The following MARCHF8 variants were observed in gnomAD, a reference collection of about 807,000 sequenced individuals.
MARCHF8 encodes the protein E3 ubiquitin-protein ligase MARCHF8.
In MARCHF8, 40 loss-of-function variants were observed where a neutral mutation model predicts 51.6. That is an observed-to-expected ratio of 0.77 (90% CI 0.60 to 1.01). The LOEUF (loss-of-function observed/expected upper bound fraction) is 1.01, where lower values mean the gene tolerates loss of function less well. MARCHF8 is among the 50% of genes least tolerant of loss of function. The pLI is 0.00. For missense variants in MARCHF8, 685 were observed against 708.6 expected, an observed-to-expected ratio of 0.97 and a Z score of 0.38; for synonymous variants, 263 against 280.3, an observed-to-expected ratio of 0.94 and a Z score of 0.62.
At chr10:45,532,793 T>G (rs908951545) in intron 2 of MARCHF8, among the ~76,000 whole-genome samples, 3 of 152,192 alleles carry the variant, frequency 2.0e-5, no homozygotes, top group Non-Finnish European at 4.4e-5. Context: ...AATTTCACAC[T>G]ACGATGAATA....
chr10:45,531,750 G>C (rs1279771364), intron 2 of MARCHF8, among the ~76,000 whole-genome samples: 1 of 152,178 alleles, frequency 6.6e-6, no homozygotes, highest in East Asian at 1.9e-4. Context: ...CAAACAGGTG[G>C]ATTATTTGAG....
intron 2 of MARCHF8, among the ~76,000 whole-genome samples, chr10:45,511,708 T>C (rs1003737451): frequency 1.3e-5 from 2 of 152,224 alleles, no homozygotes; most frequent in African/African-American, 4.8e-5. Flanking sequence ...GTTCACTCAG[T>C]GCTCAATGGT....
intron 1 of MARCHF8, among the ~76,000 whole-genome samples, chr10:45,549,010 A>AAAG (rs2044163084): frequency 6.6e-6 from 1 of 150,758 alleles, no homozygotes; most frequent in Non-Finnish European, 1.5e-5. Flanking sequence ...AAAAAAAAAA[A>AAAG]GAAAGAAAAG....
chr10:45,565,579 A>T (rs1240453674), intron 1 of MARCHF8, among the ~76,000 whole-genome samples: 20 of 145,840 alleles, frequency 1.4e-4, no homozygotes, highest in East Asian at 2.0e-4. Context: ...GCAAAAAAAT[A>T]AAAAAAAAAA....
intron 2 of MARCHF8, among the ~76,000 whole-genome samples, chr10:45,530,109 G>A (rs1231446568): frequency 1.3e-5 from 2 of 152,158 alleles, no homozygotes; most frequent in Admixed American, 1.3e-4. Flanking sequence ...AAAAAAGAAT[G>A]AATTCATGTT....
chr10:45,516,758 T>C (rs1642960152), intron 2 of MARCHF8, among the ~76,000 whole-genome samples: 1 of 151,554 alleles, frequency 6.6e-6, no homozygotes, highest in Non-Finnish European at 1.5e-5. Context: ...AACAAGACTT[T>C]GTCTCAAAAA....
intron 2 of MARCHF8, among the ~76,000 whole-genome samples, chr10:45,527,616 TAAA>T (rs903125917): frequency 1.3e-5 from 2 of 150,688 alleles, no homozygotes; most frequent in African/African-American, 4.9e-5. Flanking sequence ...GTAATAAAAA[TAAA>T]AAAAAATCTC....
chr10:45,572,682 T>C (rs2044444461), intron 1 of MARCHF8, among the ~76,000 whole-genome samples: 1 of 152,096 alleles, frequency 6.6e-6, no homozygotes, highest in Non-Finnish European at 1.5e-5. Flanking sequence ...ATCTTCCTTC[T>C]TTCCCTCCCG....
chr10:45,503,260 G>A (rs996092530), intron 2 of MARCHF8, among the ~76,000 whole-genome samples: 15 of 152,012 alleles, frequency 9.9e-5, no homozygotes, highest in East Asian at 3.8e-4. Context: ...AATTATGGCC[G>A]GGCACGGTGG....
chr10:45,528,104 AT>A (rs2043821360), intron 2 of MARCHF8, among the ~76,000 whole-genome samples: 1 of 152,200 alleles, frequency 6.6e-6, no homozygotes, highest in Admixed American at 6.5e-5. Flanking sequence ...ATACCTCAAA[AT>A]AATAAAACCC....
In MARCHF8 at chr10:45,549,880, C is replaced by T. The variant is rs149532255; in HGVS notation, c.-78-16591G>A. On this transcript the variant is annotated intron_variant, in intron 1 of 6. Coordinates refer to the MARCHF8 transcript ENST00000319836. Reference sequence around the variant, plus strand: ...CAAGAAAGCCCTCACCAGATGTGAGCCCCTCAACCTTGGACTTCCCAGGCT... The same window carrying T: ...CAAGAAAGCCCTCACCAGATGTGAGTCCCTCAACCTTGGACTTCCCAGGCT... 3.0e-3 allele frequency among the ~76,000 whole-genome samples: 461 copies of T among 152,278 alleles called. 4 individuals are homozygous for T. The highest frequency in any genetic ancestry group is 0.011 in the African/African-American group (438 of 41,564).
In MARCHF8 at chr10:45,501,845, T is replaced by C. The variant is rs80263317; in HGVS notation, c.103-12428A>G. Among the ~76,000 whole-genome samples the C allele has an allele frequency of 3.8e-3, 574 of 152,244 alleles. 12 individuals carry two copies. In the East Asian group the frequency reaches 0.052, roughly 14 times the overall value. ...CAAAACATGTGAAGGGACATCTTAA[T>C]GAATAGGATACTCAGATGGCAAATA... On this transcript the variant is annotated intron_variant, in intron 2 of 7. Transcript: ENST00000453424.
At position 45,502,465 on chromosome 10, in the gene MARCHF8, A is replaced by G. The variant is rs182154294; in HGVS notation, c.103-13048T>C. The stretch of plus-strand genomic sequence containing the variant: ...GGACATAAACCTATGCATTCAAAAA[A>G]CTGAATGAACTACAAGAAACCTATG... On this transcript the variant is annotated intron_variant, in intron 2 of 7. Transcript: ENST00000453424. 6.6e-5 allele frequency among the ~76,000 whole-genome samples: 10 copies of G among 152,350 alleles called. No homozygotes were observed. In the East Asian group the frequency reaches 1.7e-3, roughly 26 times the overall value.
intron 1 of MARCHF8, among the ~76,000 whole-genome samples, chr10:45,546,552 C>T (rs1589166899): frequency 6.6e-6 from 1 of 151,934 alleles, no homozygotes; most frequent in Non-Finnish European, 1.5e-5. Flanking sequence ...GAAGCCAAGG[C>T]GAGTGGATCA....
intron 3 of MARCHF8, among the ~76,000 whole-genome samples, chr10:45,473,626 A>G (rs1240361275): frequency 6.6e-6 from 1 of 152,206 alleles, no homozygotes; most frequent in Non-Finnish European, 1.5e-5. Flanking sequence ...CAAAAAGTCC[A>G]GCCCCTATGA....
chr10:45,546,335 G>C (rs909603272), intron 1 of MARCHF8, among the ~76,000 whole-genome samples: 1 of 151,632 alleles, frequency 6.6e-6, no homozygotes, highest in African/African-American at 2.4e-5. Flanking sequence ...TAATTTTTTT[G>C]TATTTTTAGT....
chr10:45,479,841 G>A (rs1281297813), intron 3 of MARCHF8, among the ~76,000 whole-genome samples: 3 of 152,194 alleles, frequency 2.0e-5, no homozygotes, highest in Non-Finnish European at 4.4e-5. Flanking sequence ...AGTAAGTGGG[G>A]TGCTGCTATA....
chr10:45,586,839 A>G (rs1007446795), intron 1 of MARCHF8, among the ~76,000 whole-genome samples: 1 of 151,980 alleles, frequency 6.6e-6, no homozygotes, highest in Non-Finnish European at 1.5e-5. Flanking sequence ...GAAGTTCTTT[A>G]TATATGCTGG....
At chr10:45,465,410 G>A (rs565845038) in intron 3 of MARCHF8, among the ~76,000 whole-genome samples, 1 of 152,250 alleles carries the variant, frequency 6.6e-6, no homozygotes, top group South Asian at 2.1e-4. Context: ...ATACAAAGGA[G>A]CTCCACCCTG....
Sources: allele counts gnomAD v4.1 joint callset (sites outside exome capture counted in the v4.1 genomes callset), GRCh38; gene constraint gnomAD v4.1.1; transcripts MANE v1.5; gene names NCBI Gene and HGNC (gene_info 2026-07-23, HGNC 2026-07-21).